GRID2: variants seen among roughly 807,000 people sequenced by gnomAD.
GRID2 encodes glutamate ionotropic receptor delta type subunit 2, also known as glutamate receptor ionotropic, delta-2.
A neutral mutation model predicts 114.8 loss-of-function variants in GRID2; 33 were observed. The ratio of observed to expected loss-of-function variants is 0.29; its 90% CI spans 0.22 to 0.38. The LOEUF is 0.38. Ranked by LOEUF, GRID2 falls within the 10% of genes least tolerant of loss-of-function variation. The probability of loss-of-function intolerance (pLI) is 1.00; values close to 1 mark genes in which losing one functional copy is unlikely to be tolerated. For missense variants in GRID2, 1,184 were observed against 1,257.7 expected, an observed-to-expected ratio of 0.94 and a Z score of 0.89; for synonymous variants, 505 against 449.9, an observed-to-expected ratio of 1.12 and a Z score of -1.55.
chr4:93,474,528 C>T (rs533549780), intron 11 of GRID2, among the ~76,000 whole-genome samples: 9 of 152,196 alleles, frequency 5.9e-5, no homozygotes, highest in Non-Finnish European at 1.3e-4. Context: ...TTTGCTTGAA[C>T]CTGCCCTAAA....
intron 14 of GRID2, among the ~76,000 whole-genome samples, chr4:93,644,551 C>A (rs564345467): frequency 1.3e-5 from 2 of 152,066 alleles, no homozygotes; most frequent in East Asian, 3.9e-4. Flanking sequence ...AACCAAGATC[C>A]CTTTAGTACT....
chr4:93,110,728 T>C lies in GRID2; in HGVS notation c.530-20T>C. 1 of 1,524,482 alleles carries C rather than the reference T, an allele frequency of 6.6e-7. No individual in the cohort carries two copies. Among genetic ancestry groups the C allele is most frequent in the Non-Finnish European group, 9.1e-7 (1 of 1,098,176 alleles). 94.4% of individuals were successfully genotyped at this position (1,524,482 alleles called of 1,614,324 possible). On this transcript the variant is annotated intron_variant, in intron 3 of 15. Coordinates refer to ENST00000282020, the MANE Select transcript of GRID2 (RefSeq NM_001510.4). ...GTACAATAATTCACAGGTATTTTGA[T>C]GGGCTTTTGATGTTTCCAGATATCC...
chr4:93,736,411 A>G (rs1007737171), intron 14 of GRID2, among the ~76,000 whole-genome samples: 4 of 152,044 alleles, frequency 2.6e-5, no homozygotes, highest in African/African-American at 9.7e-5. Flanking sequence ...GACCAAATAG[A>G]AGTTGTTTGT....
chr4:92,960,472 T>C (rs1752727328), intron 2 of GRID2, among the ~76,000 whole-genome samples: 1 of 152,030 alleles, frequency 6.6e-6, no homozygotes, highest in South Asian at 2.1e-4. Flanking sequence ...TTAAGGACTG[T>C]CATGTCTTCT....
chr4:93,343,302 G>T (rs535552327), intron 8 of GRID2, among the ~76,000 whole-genome samples: 8 of 151,950 alleles, frequency 5.3e-5, no homozygotes, highest in Admixed American at 4.6e-4. Context: ...TTTGAATTGG[G>T]ATGTGTTTTC....
At chr4:92,890,464 C>A (rs1295544064) in intron 2 of GRID2, among the ~76,000 whole-genome samples, 1 of 151,954 alleles carries the variant, frequency 6.6e-6, no homozygotes, top group East Asian at 1.9e-4. Context: ...TATGAACAGA[C>A]ACTTTTCAAA....
chr4:93,234,996 G>A (rs1455190740), intron 7 of GRID2, among the ~76,000 whole-genome samples: 6 of 152,054 alleles, frequency 3.9e-5, no homozygotes, highest in African/African-American at 7.2e-5. Context: ...CATTTCAAGC[G>A]TAGGAAAAGA....
intron 1 of GRID2, among the ~76,000 whole-genome samples, chr4:92,322,897 C>T (rs892541870): frequency 1.3e-5 from 2 of 152,052 alleles, no homozygotes; most frequent in African/African-American, 2.4e-5. Context: ...AAGTTGTCTT[C>T]CTTCATATAA....
chr4:92,679,565 A>G (rs1733544574), intron 2 of GRID2, among the ~76,000 whole-genome samples: 1 of 152,060 alleles, frequency 6.6e-6, no homozygotes, highest in Admixed American at 6.6e-5. Context: ...TATTTTTAAT[A>G]CCTGATTTCT....
chr4:93,725,095 T>C (rs1166315495), intron 14 of GRID2, among the ~76,000 whole-genome samples: 1 of 152,130 alleles, frequency 6.6e-6, no homozygotes, highest in Non-Finnish European at 1.5e-5. Context: ...TAACTCATCA[T>C]TTACATTAGG....
intron 8 of GRID2, among the ~76,000 whole-genome samples, chr4:93,257,970 A>G (rs1009332639): frequency 1.2e-5 from 1 of 86,578 alleles, no homozygotes; most frequent in South Asian, 3.8e-4. Flanking sequence ...TACACACAAT[A>G]TGTGTGTGTA....
chr4:92,345,990 CACTTT>C (rs1364863565), intron 1 of GRID2, among the ~76,000 whole-genome samples: 2 of 152,188 alleles, frequency 1.3e-5, no homozygotes, highest in African/African-American at 4.8e-5. Flanking sequence ...TTATGTACCT[CACTTT>C]ACTTCTTGGG....
intron 2 of GRID2, among the ~76,000 whole-genome samples, chr4:92,990,817 A>T (rs1754855024): frequency 6.6e-6 from 1 of 152,138 alleles, no homozygotes; most frequent in African/African-American, 2.4e-5. Flanking sequence ...AAATATACAA[A>T]CACAATTTCC....
At chr4:93,452,671 G>A (rs1315093825) in intron 10 of GRID2, among the ~76,000 whole-genome samples, 2 of 152,066 alleles carry the variant, frequency 1.3e-5, no homozygotes, top group African/African-American at 4.8e-5. Context: ...ACAGAAATAA[G>A]TATGATTTTT....
At chr4:92,865,651 T>C (rs1339751163) in intron 2 of GRID2, among the ~76,000 whole-genome samples, 3 of 152,234 alleles carry the variant, frequency 2.0e-5, no homozygotes, top group Non-Finnish European at 4.4e-5. Context: ...TCACTCACAG[T>C]TTCACTCTTT....
chr4:93,054,097 A>C (rs138353628), intron 2 of GRID2, among the ~76,000 whole-genome samples: 31 of 152,052 alleles, frequency 2.0e-4, no homozygotes, highest in African/African-American at 6.0e-4. Context: ...ATACAGAATA[A>C]ATTTTTATTA....
intron 2 of GRID2, among the ~76,000 whole-genome samples, chr4:92,945,333 T>A (rs2149545061): frequency 6.6e-6 from 1 of 152,314 alleles, no homozygotes; most frequent in South Asian, 2.1e-4. Flanking sequence ...AATCCAACAT[T>A]ACTTATGAGA....
intron 14 of GRID2, among the ~76,000 whole-genome samples, chr4:93,628,866 A>G (rs565652583): frequency 6.6e-6 from 1 of 151,830 alleles, no homozygotes; most frequent in South Asian, 2.1e-4. Flanking sequence ...CCCGGGTTCA[A>G]GTGATTCTCC....
At chr4:93,067,867 T>A (rs1728446532) in intron 2 of GRID2, among the ~76,000 whole-genome samples, 1 of 152,016 alleles carries the variant, frequency 6.6e-6, no homozygotes, top group Admixed American at 6.6e-5. Context: ...TTAGTTCCAA[T>A]CATATTACAG....
Sources: gnomAD v4.1 joint callset for allele counts (sites outside exome capture counted in the v4.1 genomes callset) on GRCh38, gnomAD v4.1.1 for gene constraint, MANE v1.5 for transcripts, NCBI Gene and HGNC (gene_info 2026-07-23, HGNC 2026-07-21) for gene names.